BCR: variants seen among roughly 807,000 people sequenced by gnomAD.
The protein encoded by BCR is breakpoint cluster region protein.
BCR carries 58 observed loss-of-function variants against 138.6 expected under a neutral mutation model. That is an observed-to-expected ratio of 0.42 (90% CI 0.34 to 0.52). The LOEUF is 0.52. BCR is among the 20% of genes least tolerant of loss of function. The pLI, the probability that BCR is intolerant of heterozygous loss-of-function variation, is 0.06. For synonymous variants in BCR, 786 were observed against 730.1 expected (o/e 1.08, Z -1.23); for missense variants, 1,599 against 1,727.2 (o/e 0.93, Z 1.32).
At chr22:23,278,282 G>C (rs78201480) in intron 8 of BCR, among the ~76,000 whole-genome samples, 1,922 of 152,320 alleles carry the variant, frequency 0.013, 79 homozygotes, top group East Asian at 0.1. Context: ...GATTGCAGAG[G>C]CCCCTCTTTT....
chr22:23,260,747 C>G, intron 2 of BCR: 2 of 557,350 alleles, frequency 3.6e-6, no homozygotes, highest in Non-Finnish European at 6.5e-6. Context: ...GATGACCCCC[C>G]TCCCCGGGAT....
At chr22:23,300,917 A>G (rs1568981266) in intron 16 of BCR, among the ~76,000 whole-genome samples, 1 of 152,214 alleles carries the variant, frequency 6.6e-6, no homozygotes, top group South Asian at 2.1e-4. Context: ...CAAGACACAT[A>G]AATAGAGCAG....
At chr22:23,240,047 G>A (rs1384200663) in intron 1 of BCR, among the ~76,000 whole-genome samples, 1 of 151,974 alleles carries the variant, frequency 6.6e-6, no homozygotes, top group Non-Finnish European at 1.5e-5. Flanking sequence ...CGAACTCCTG[G>A]CCTGAAGTGA....
At chr22:23,290,654 T>G in intron 14 of BCR, 1 of 522,366 alleles carries the variant, frequency 1.9e-6, no homozygotes, top group South Asian at 2.0e-5. Flanking sequence ...GCTGGTGAGC[T>G]GCCCCCTGCA....
At chr22:23,220,908 G>T (rs765248265) in intron 1 of BCR, among the ~76,000 whole-genome samples, 15 of 152,126 alleles carry the variant, frequency 9.9e-5, no homozygotes, top group Non-Finnish European at 1.9e-4. Flanking sequence ...TCATCAGATT[G>T]TCCCCGGGGA....
intron 1 of BCR, among the ~76,000 whole-genome samples, chr22:23,217,794 C>T (rs184533884): frequency 2.4e-4 from 36 of 152,292 alleles, no homozygotes; most frequent in Middle Eastern, 3.4e-3. Flanking sequence ...ACTTTGCCTA[C>T]GTGTGGGATG....
At chr22:23,278,962 C>T (rs540481923) in intron 8 of BCR, among the ~76,000 whole-genome samples, 1 of 152,302 alleles carries the variant, frequency 6.6e-6, no homozygotes, top group African/African-American at 2.4e-5. Context: ...CTTGGGTTCT[C>T]GGCTTGTCTG....
rs745787464 is a variant in BCR at position 23,182,011 on chromosome 22, A to T, written c.1051A>T (p.Ser351Cys). The T allele has an allele frequency of 1.2e-6, 2 of 1,612,964 alleles. No homozygotes were observed. Among genetic ancestry groups the T allele is most frequent in the Non-Finnish European group, 1.7e-6 (2 of 1,179,402 alleles). ...GGAGGACTTCTCCTCTGGCCAGTCC[A>T]GCCGCGTGTCCCCAAGCCCCACCAC... ...SEEDFSSGQS[S>C]RVSPSPTTYR... Residue 351 changes from serine (S) to cysteine (C), a missense_variant, in exon 1 of 23, where the codon AGC (serine) becomes TGC (cysteine). This residue lies in a region of BCR where 806 missense variants were observed against 635.0 expected (regional missense o/e 1.27). Transcript: ENST00000305877.
At chr22:23,309,263 C>T (rs1171606366) in intron 16 of BCR, among the ~76,000 whole-genome samples, 161 bp from the exon 17 acceptor site, 11 of 152,178 alleles carry the variant, frequency 7.2e-5, no homozygotes, top group Non-Finnish European at 1.5e-4. Flanking sequence ...CTGGCAGGCC[C>T]CTCCTTACTC....
intron 16 of BCR, among the ~76,000 whole-genome samples, chr22:23,308,354 G>A (rs1204630233): frequency 6.6e-6 from 1 of 152,100 alleles, no homozygotes; most frequent in Non-Finnish European, 1.5e-5. Flanking sequence ...CGCCCAGGCT[G>A]GAGTGCAGTG....
chr22:23,252,924 A>C (rs2073247950), intron 1 of BCR, among the ~76,000 whole-genome samples: 1 of 152,212 alleles, frequency 6.6e-6, no homozygotes, highest in Non-Finnish European at 1.5e-5. Context: ...ACCTGGAGTT[A>C]GCATCAGATC....
At chr22:23,291,969 C>G (rs1158219672) in intron 14 of BCR, among the ~76,000 whole-genome samples, 1 of 152,174 alleles carries the variant, frequency 6.6e-6, no homozygotes. Context: ...GCAAACCCCA[C>G]CCTGCAACTT....
chr22:23,242,243 C>G (rs5759658), intron 1 of BCR, among the ~76,000 whole-genome samples: 16,851 of 152,142 alleles, frequency 0.11, 1,854 homozygotes, highest in African/African-American at 0.25. Context: ...AATTCTTGAG[C>G]AGTCACTGGG....
chr22:23,252,364 A>AG (rs2146266017), intron 1 of BCR, among the ~76,000 whole-genome samples: 2 of 152,054 alleles, frequency 1.3e-5, no homozygotes, highest in South Asian at 2.1e-4. Flanking sequence ...GCAAGGTGCA[A>AG]GGACCGTTCC....
chr22:23,209,986 C>T (rs1204650488), intron 1 of BCR, among the ~76,000 whole-genome samples: 1 of 152,176 alleles, frequency 6.6e-6, no homozygotes, highest in East Asian at 1.9e-4. Context: ...ACCCACTTAA[C>T]AGCTATTTGT....
intron 8 of BCR, among the ~76,000 whole-genome samples, chr22:23,282,472 T>C (rs2073659078): frequency 6.6e-6 from 1 of 152,238 alleles, no homozygotes; most frequent in Non-Finnish European, 1.5e-5. Flanking sequence ...GCCAAGCTGC[T>C]TATGATGGTG....
At chr22:23,252,614 T>G (rs1478628265) in intron 1 of BCR, among the ~76,000 whole-genome samples, 1 of 2,848 alleles carries the variant, frequency 3.5e-4, no homozygotes, top group Non-Finnish European at 5.8e-4. Context: ...ATAGTTTTAG[T>G]AGAGATGGGG....
At chr22:23,253,449 A>G (rs1015747938) in intron 1 of BCR, among the ~76,000 whole-genome samples, 8 of 152,204 alleles carry the variant, frequency 5.3e-5, no homozygotes, top group African/African-American at 1.9e-4. Context: ...GCACACATAA[A>G]GACATGTATT....
chr22:23,288,018 T>A (rs542802601), intron 11 of BCR, 79 bp from the exon 12 acceptor site: 1 of 1,383,412 alleles, frequency 7.2e-7, no homozygotes, highest in Non-Finnish European at 1.0e-6. Context: ...AGTTGTGTGC[T>A]CTAAGGTGCC....
Sources: gnomAD v4.1 joint callset for allele counts (sites outside exome capture counted in the v4.1 genomes callset) on GRCh38, gnomAD v4.1.1 for gene constraint, gnomAD v4.1.1 regional missense constraint, MANE v1.5 for transcripts, NCBI Gene and HGNC (gene_info 2026-07-23, HGNC 2026-07-21) for gene names.